BACH2: variants seen among roughly 807,000 people sequenced by gnomAD.
BACH2 encodes the protein transcription regulator protein BACH2.
In BACH2, 5 loss-of-function variants were observed where a neutral mutation model predicts 61.8. The ratio of observed to expected loss-of-function variants is 0.08; its 90% confidence interval spans 0.04 to 0.17. The LOEUF is 0.17. Among genes scored for constraint, BACH2 ranks in the 10% least tolerant of loss-of-function variants. The probability of loss-of-function intolerance (pLI) is 1.00; values close to 1 mark genes in which losing one functional copy is unlikely to be tolerated. For missense variants in BACH2, 824 were observed against 1,091.1 expected (o/e 0.76, Z 3.45); for synonymous variants, 446 against 440.1 (o/e 1.01, Z -0.17).
At chr6:90,233,780 G>C (rs1338142144) in intron 3 of BACH2, among the ~76,000 whole-genome samples, 5 of 152,126 alleles carry the variant, frequency 3.3e-5, no homozygotes, top group Admixed American at 3.3e-4. Flanking sequence ...CCCATCCACA[G>C]GCTCATGTGA....
At position 90,052,257 on chromosome 6, in the gene BACH2, T is replaced by A. The variant is rs60124751; in HGVS notation, c.-13+36704A>T. Among the ~76,000 whole-genome samples the A allele has an allele frequency of 0.013, 1,952 of 152,310 alleles. 64 individuals carry two copies. In the East Asian group the frequency reaches 0.14, roughly 11 times the overall value. The stretch of plus-strand genomic sequence containing the variant: ...TTGTTATGTGCTTGACCAAGCAATA[T>A]CTTGGAGAAACATGAAATTTCTCTA... On this transcript the variant is annotated intron_variant, in intron 5 of 8. Transcript: ENST00000257749.
intron 2 of BACH2, among the ~76,000 whole-genome samples, chr6:90,267,657 T>C (rs1373833179): frequency 6.6e-6 from 1 of 152,146 alleles, no homozygotes; most frequent in Non-Finnish European, 1.5e-5. Flanking sequence ...TGGGGAATAA[T>C]TGAATAAACT....
chr6:90,158,669 A>C (rs1045108255), intron 4 of BACH2, among the ~76,000 whole-genome samples: 2 of 151,592 alleles, frequency 1.3e-5, no homozygotes, highest in Admixed American at 1.3e-4. Flanking sequence ...ACCCAGGAGC[A>C]CAGGGCAGAG....
chr6:90,272,529 C>G lies in BACH2; in HGVS notation c.-445-588G>C, dbSNP rs539569560. Among the ~76,000 whole-genome samples, 50 of 152,270 alleles carry G rather than the reference C, an allele frequency of 3.3e-4. 1 individual carries two copies. The highest frequency in any genetic ancestry group is 1.2e-3 in the African/African-American group (49 of 41,556). On this transcript the variant is annotated intron_variant, in intron 1 of 8. Coordinates refer to ENST00000257749, the MANE Select transcript of BACH2 (RefSeq NM_021813.4). Reference sequence around the variant, plus strand: ...ATTTTTCCTGCATATGGTATCTCTACTGCATATGCTCTTCAAAAGCCTTCA... The same window carrying G: ...ATTTTTCCTGCATATGGTATCTCTAGTGCATATGCTCTTCAAAAGCCTTCA...
rs532516941 is a variant in BACH2 at position 90,041,225 on chromosome 6, T to C, written c.-12-32369A>G. Among the ~76,000 whole-genome samples, 13 of 152,238 alleles carry C rather than the reference T, an allele frequency of 8.5e-5. No homozygotes were observed. The South Asian group carries it at 2.5e-3, about 29-fold the overall frequency. ...CCAGTAATGGGACTGCTGGGCCAAA[T>C]GGTAGCTAATTTGACTCTGCAATCC... On this transcript the variant is annotated intron_variant, in intron 5 of 8. Coordinates refer to ENST00000257749, the MANE Select transcript of BACH2 (RefSeq NM_021813.4).
intron 4 of BACH2, among the ~76,000 whole-genome samples, chr6:90,180,860 TACACAC>T (rs111933173): frequency 1.2e-3 from 170 of 147,264 alleles, no homozygotes; most frequent in Middle Eastern, 3.5e-3. Flanking sequence ...TTATGTGTAT[TACACAC>T]ACACACACAC....
At chr6:90,158,301 C>A (rs1785063208) in intron 4 of BACH2, among the ~76,000 whole-genome samples, 1 of 152,116 alleles carries the variant, frequency 6.6e-6, no homozygotes, top group South Asian at 2.1e-4. Context: ...AAGTTTTACA[C>A]AAACAAAAGC....
At chr6:90,163,720 C>T (rs1767492266) in intron 4 of BACH2, among the ~76,000 whole-genome samples, 1 of 152,200 alleles carries the variant, frequency 6.6e-6, no homozygotes. Flanking sequence ...GCGTTCTATA[C>T]AGCTTAGTTT....
chr6:90,114,866 C>T (rs117134952), intron 4 of BACH2, among the ~76,000 whole-genome samples: 3,053 of 152,132 alleles, frequency 0.02, 59 homozygotes, highest in Non-Finnish European at 0.029. Context: ...TTCCTATACA[C>T]CAACAATAAC....
At chr6:90,087,470 G>C (rs1253265083) in intron 5 of BACH2, among the ~76,000 whole-genome samples, 1 of 152,104 alleles carries the variant, frequency 6.6e-6, no homozygotes, top group Non-Finnish European at 1.5e-5. Flanking sequence ...CTATTCACAG[G>C]TACACATGTA....
At chr6:90,171,353 C>T (rs142401996) in intron 4 of BACH2, among the ~76,000 whole-genome samples, 1 of 151,746 alleles carries the variant, frequency 6.6e-6, no homozygotes, top group East Asian at 1.9e-4. Flanking sequence ...GTGGAGGTTG[C>T]AGCGAGCTGA....
intron 4 of BACH2, among the ~76,000 whole-genome samples, chr6:90,090,485 A>G (rs1234339647): frequency 2.0e-5 from 3 of 152,202 alleles, no homozygotes; most frequent in Non-Finnish European, 4.4e-5. Context: ...CAGACAGAGA[A>G]AAATACACTT....
At chr6:90,089,145 A>G (rs6454799) in intron 4 of BACH2, 36 bp from the exon 5 acceptor site, 9,536 of 152,170 alleles carry the variant, frequency 0.063, 973 homozygotes, top group African/African-American at 0.22. Flanking sequence ...TTAGCAGATG[A>G]AAGTATGCAT....
intron 3 of BACH2, among the ~76,000 whole-genome samples, chr6:90,211,946 G>C (rs898346734): frequency 2.6e-5 from 4 of 152,248 alleles, no homozygotes; most frequent in Non-Finnish European, 5.9e-5. Context: ...CTTAGGCAGA[G>C]GGCTGGGGCA....
At chr6:90,263,063 C>A (rs1408637531) in intron 2 of BACH2, among the ~76,000 whole-genome samples, 1 of 152,142 alleles carries the variant, frequency 6.6e-6, no homozygotes, top group African/African-American at 2.4e-5. Flanking sequence ...AAAAAATCTC[C>A]ATGGCCACTG....
chr6:89,955,693 A>C (rs1002875415), intron 6 of BACH2, among the ~76,000 whole-genome samples: 20 of 152,202 alleles, frequency 1.3e-4, no homozygotes, highest in Non-Finnish European at 1.8e-4. Flanking sequence ...CTTAGCCTCC[A>C]TCTTGAGAAG....
rs7759206 is a variant in BACH2 at position 90,002,221 on chromosome 6, C to T, written c.243+6381G>A. ...GCTTGCTCCTTCTTGGTCTACCTTG[C>T]CGGCTCCTCTTCATCTCCCTGACCT... On this transcript the variant is annotated intron_variant, in intron 6 of 8. Transcript: ENST00000257749. Among the ~76,000 whole-genome samples the T allele has an allele frequency of 5.0e-3, 756 of 152,324 alleles. 5 individuals are homozygous for T. Among genetic ancestry groups the T allele is most frequent in the African/African-American group, 0.016 (666 of 41,574 alleles).
chr6:90,197,316 A>C (rs890445474), intron 4 of BACH2, among the ~76,000 whole-genome samples: 1 of 152,222 alleles, frequency 6.6e-6, no homozygotes, highest in African/African-American at 2.4e-5. Flanking sequence ...TCCATTATAA[A>C]TTTCCTTTCA....
intron 4 of BACH2, among the ~76,000 whole-genome samples, chr6:90,103,384 G>A (rs142632341): frequency 8.5e-5 from 13 of 152,136 alleles, no homozygotes; most frequent in African/African-American, 3.1e-4. Flanking sequence ...AAGTGTGTCC[G>A]TGTGATGCTC....
Sources: gnomAD v4.1 joint callset for allele counts (sites outside exome capture counted in the v4.1 genomes callset) on GRCh38, gnomAD v4.1.1 for gene constraint, MANE v1.5 for transcripts, NCBI Gene and HGNC (gene_info 2026-07-23, HGNC 2026-07-21) for gene names.